The following HOMER1 variants were observed in gnomAD, a reference collection of about 807,000 sequenced individuals.
The protein encoded by HOMER1 is homer scaffold protein 1.
Under a neutral mutation model 48.9 loss-of-function variants are expected in HOMER1, and 3 were observed. The ratio of observed to expected loss-of-function variants is 0.06; its 90% CI spans 0.03 to 0.16. The LOEUF is 0.16. Ranked by LOEUF, HOMER1 falls within the 10% of genes least tolerant of loss-of-function variation. The pLI is 1.00. For missense variants in HOMER1, 247 were observed against 411.4 expected (o/e 0.60, Z 3.46); for synonymous variants, 134 against 146.4 (o/e 0.92, Z 0.61).
intron 8 of HOMER1, among the ~76,000 whole-genome samples, chr5:79,394,188 A>G (rs1749321084): frequency 6.6e-6 from 1 of 152,212 alleles, no homozygotes; most frequent in Non-Finnish European, 1.5e-5. Context: ...TACATTTTCT[A>G]TCCACATTCA....
chr5:79,396,839 A>C lies in HOMER1; in HGVS notation c.860T>G (p.Leu287Trp). ...ARELQEQRDSLTQKLQEVEIR... is the reference protein window; with the variant it reads ...ARELQEQRDSWTQKLQEVEIR... Reference sequence around the variant, plus strand: ...ACAGCTCACCTGTAGTTTCTGAGTCAAAGAATCCCTCTGTTCTTGTAGTTC... The same window carrying C: ...ACAGCTCACCTGTAGTTTCTGAGTCCAAGAATCCCTCTGTTCTTGTAGTTC... Residue 287 changes from leucine to tryptophan, a missense_variant, in exon 8 of 9, where the codon TTG becomes TGG. Around this residue, in one of 4 missense-constraint regions of HOMER1, gnomAD observed 113 missense variants for 152.5 expected, o/e 0.74. Transcript: ENST00000334082. 2 of 1,599,386 alleles carry C rather than the reference A, an allele frequency of 1.3e-6. No homozygotes were observed. Among genetic ancestry groups the C allele is most frequent in the Non-Finnish European group, 1.7e-6 (2 of 1,168,590 alleles).
chr5:79,499,349 T>C (rs1487377901), intron 1 of HOMER1, among the ~76,000 whole-genome samples: 1 of 152,182 alleles, frequency 6.6e-6, no homozygotes, highest in African/African-American at 2.4e-5. Flanking sequence ...GAAAACTCTA[T>C]ACCAAACACA....
intron 5 of HOMER1, among the ~76,000 whole-genome samples, chr5:79,409,737 A>C (rs1311021796): frequency 6.6e-6 from 1 of 152,240 alleles, no homozygotes; most frequent in Non-Finnish European, 1.5e-5. Context: ...TTCCCAAAGA[A>C]GAGAAATAAA....
intron 2 of HOMER1, among the ~76,000 whole-genome samples, chr5:79,456,360 C>A: frequency 6.6e-6 from 1 of 152,306 alleles, no homozygotes; most frequent in Middle Eastern, 3.4e-3. Flanking sequence ...GCAGTCCTTG[C>A]TCCTGTTACA....
chr5:79,489,619 T>C (rs1423258092), intron 1 of HOMER1, among the ~76,000 whole-genome samples: 1 of 152,046 alleles, frequency 6.6e-6, no homozygotes, highest in African/African-American at 2.4e-5. Context: ...CAAGAGGCCA[T>C]TCTGTACTTG....
In HOMER1 at chr5:79,425,823, C is replaced by T. The variant is rs771848106; in HGVS notation, c.527+13187G>A. On this transcript the variant is annotated intron_variant, in intron 5 of 8. Coordinates refer to ENST00000334082, the MANE Select transcript of HOMER1 (RefSeq NM_004272.5). ...TAGAGCCAAAGAGACCTTAGGTGGTCTCTTTAATAGTAACTTAGATTGTGA... is the reference window on the plus strand; with the variant it reads ...TAGAGCCAAAGAGACCTTAGGTGGTTTCTTTAATAGTAACTTAGATTGTGA... Among the ~76,000 whole-genome samples the T allele has an allele frequency of 2.6e-5, 4 of 151,828 alleles. No homozygotes were observed. In the South Asian group the frequency reaches 6.2e-4, roughly 24 times the overall value.
chr5:79,508,259 C>T (rs1752832228), intron 1 of HOMER1, among the ~76,000 whole-genome samples: 1 of 152,170 alleles, frequency 6.6e-6, no homozygotes, highest in South Asian at 2.1e-4. Context: ...GAGTGGGTCA[C>T]CATCATCAGT....
intron 5 of HOMER1, among the ~76,000 whole-genome samples, chr5:79,430,661 G>C (rs1037437085): frequency 6.6e-6 from 1 of 152,170 alleles, no homozygotes; most frequent in African/African-American, 2.4e-5. Context: ...ACATGGTGCC[G>C]GGCGTGGTGG....
chr5:79,482,014 T>C (rs1385255156), intron 1 of HOMER1, among the ~76,000 whole-genome samples: 1 of 152,104 alleles, frequency 6.6e-6, no homozygotes, highest in Non-Finnish European at 1.5e-5. Context: ...AGCCCAGGAA[T>C]TCAAGACAAG....
chr5:79,396,259 C>G (rs1231574348), intron 8 of HOMER1, among the ~76,000 whole-genome samples: 1 of 151,784 alleles, frequency 6.6e-6, no homozygotes, highest in Non-Finnish European at 1.5e-5. Flanking sequence ...CATTAGGGCA[C>G]AACTATTGGT....
chr5:79,477,996 A>G (rs1032424580), intron 1 of HOMER1, among the ~76,000 whole-genome samples: 1 of 152,136 alleles, frequency 6.6e-6, no homozygotes, highest in Non-Finnish European at 1.5e-5. Context: ...TTGGTACAAT[A>G]AGTTATTATT....
At chr5:79,445,616 A>G (rs1580455714) in intron 4 of HOMER1, among the ~76,000 whole-genome samples, 2 of 152,366 alleles carry the variant, frequency 1.3e-5, no homozygotes, top group East Asian at 3.9e-4. Flanking sequence ...AGATTTAAGT[A>G]TACTTTAAAA....
intron 3 of HOMER1, among the ~76,000 whole-genome samples, chr5:79,450,612 A>G (rs550380661): frequency 2.6e-5 from 4 of 152,352 alleles, no homozygotes; most frequent in South Asian, 2.1e-4. Context: ...GCTGAAATCT[A>G]TATCACTGTC....
intron 2 of HOMER1, among the ~76,000 whole-genome samples, chr5:79,455,970 C>A (rs1427889439): frequency 2.0e-5 from 3 of 152,014 alleles, no homozygotes; most frequent in Admixed American, 6.5e-5. Context: ...GCCTGGCCAA[C>A]ATGGTGAAAC....
intron 1 of HOMER1, among the ~76,000 whole-genome samples, chr5:79,481,098 T>A (rs929438541): frequency 2.0e-5 from 3 of 152,250 alleles, no homozygotes; most frequent in African/African-American, 4.8e-5. Flanking sequence ...ATCTTCTTAA[T>A]TGCTTTTTCT....
intron 5 of HOMER1, among the ~76,000 whole-genome samples, chr5:79,404,239 A>G (rs1425591519): frequency 6.6e-6 from 1 of 152,244 alleles, no homozygotes; most frequent in Non-Finnish European, 1.5e-5. Flanking sequence ...TCAAAATCAC[A>G]CAATTATAAA....
chr5:79,396,286 T>C (rs147422712), intron 8 of HOMER1, among the ~76,000 whole-genome samples: 1 of 147,150 alleles, frequency 6.8e-6, no homozygotes, highest in African/African-American at 2.6e-5. Context: ...CATACATTAG[T>C]ACATTGTAAA....
At chr5:79,380,699 A>T (rs1027975833) in intron 8 of HOMER1, among the ~76,000 whole-genome samples, 1 of 152,072 alleles carries the variant, frequency 6.6e-6, no homozygotes, top group Non-Finnish European at 1.5e-5. Context: ...GATCCCCTCC[A>T]TGTCACAGCA....
chr5:79,498,700 A>C (rs1375678483), intron 1 of HOMER1, among the ~76,000 whole-genome samples: 2 of 152,206 alleles, frequency 1.3e-5, no homozygotes, highest in Non-Finnish European at 2.9e-5. Flanking sequence ...ATTCCAAAAA[A>C]TAATTTTAAA....
Sources: gnomAD v4.1 joint callset for allele counts (sites outside exome capture counted in the v4.1 genomes callset) on GRCh38, gnomAD v4.1.1 for gene constraint, gnomAD v4.1.1 regional missense constraint, MANE v1.5 for transcripts, NCBI Gene and HGNC (gene_info 2026-07-23, HGNC 2026-07-21) for gene names.